The following TASOR2 variants were observed in gnomAD, a reference collection of about 807,000 sequenced individuals.
TASOR2 encodes protein TASOR 2.
A neutral mutation model predicts 199.5 loss-of-function variants in TASOR2; 84 were observed. The ratio of observed to expected loss-of-function variants is 0.42; its 90% CI spans 0.35 to 0.50. The LOEUF is 0.50. Ranked by LOEUF, TASOR2 falls within the 20% of genes least tolerant of loss-of-function variation. The pLI is 0.02. For synonymous variants in TASOR2, 1,103 were observed against 1,046.6 expected (o/e 1.05, Z -1.04); for missense variants, 2,796 against 2,835.9 (o/e 0.99, Z 0.32).
chr10:5,722,475 T>A lies in TASOR2; in HGVS notation c.147-1202T>A, dbSNP rs546190524. ...TATCTCAAAAAAAGAAAAGAAAAAA[T>A]TTCCTGTTTAAAGGAATCACACAGA... On this transcript the variant is annotated intron_variant, in intron 6 of 20. Transcript: ENST00000328090. The surrounding 1 kb of genome is among the most constrained non-coding windows in gnomAD (Gnocchi z 4.0). 1.3e-5 allele frequency among the ~76,000 whole-genome samples: 2 copies of A among 151,220 alleles called. No individual in the cohort carries two copies. The highest frequency in any genetic ancestry group is 1.3e-4 in the Admixed American group (2 of 15,172).
chr10:5,723,418 CA>C (rs765731844), intron 6 of TASOR2, among the ~76,000 whole-genome samples: 10 of 151,794 alleles, frequency 6.6e-5, no homozygotes, highest in African/African-American at 9.7e-5. Context: ...ATTTTTTTGA[CA>C]CATCTAGATA....
intron 10 of TASOR2, among the ~76,000 whole-genome samples, chr10:5,727,832 T>A (rs1379250251): frequency 6.6e-6 from 1 of 152,216 alleles, no homozygotes; most frequent in Non-Finnish European, 1.5e-5. Flanking sequence ...ATTTGTATAA[T>A]TATTTAATGC....
Position 5,714,173 on chromosome 10 carries a change from C to T in TASOR2, c.-192+1255C>T. On this transcript the variant is annotated intron_variant, in intron 2 of 20. It introduces an in-frame stop codon into an upstream open reading frame of the 5' UTR. Transcript: ENST00000328090. Reference sequence around the variant, plus strand: ...GTCAGTGTGGACTCCGTGTTGGCAGCAGTGCTGTTACCACTCTGGGTGATC... The same window carrying T: ...GTCAGTGTGGACTCCGTGTTGGCAGTAGTGCTGTTACCACTCTGGGTGATC... 1 of 1,231,738 alleles carries T rather than the reference C, an allele frequency of 8.1e-7. No individual in the cohort carries two copies. 76.3% of individuals were successfully genotyped at this position (1,231,738 alleles called of 1,614,324 possible). A position where few individuals can be genotyped will look rare whatever the true frequency, so the allele number is the denominator to read the frequency against.
Position 5,685,631 on chromosome 10 carries a change from C to T in TASOR2, c.-288+456C>T, listed in dbSNP as rs191736583. Among the ~76,000 whole-genome samples the T allele has an allele frequency of 6.6e-6, 1 of 152,172 alleles. No homozygotes were observed. The highest frequency in any genetic ancestry group is 2.4e-5 in the African/African-American group (1 of 41,436). Reference sequence around the variant, plus strand: ...TTTCTTTTTAGGGTAAAACAGGTCTCTCCGAAGGGAGGGTCATTTCAGCAG... The same window carrying T: ...TTTCTTTTTAGGGTAAAACAGGTCTTTCCGAAGGGAGGGTCATTTCAGCAG... On this transcript the variant is annotated intron_variant, in intron 1 of 20. Coordinates refer to ENST00000328090, the Ensembl canonical transcript of TASOR2. The surrounding 1 kb of genome is among the most constrained non-coding windows in gnomAD (Gnocchi z 5.4).
intron 10 of TASOR2, among the ~76,000 whole-genome samples, chr10:5,729,429 G>T (rs1257432919): frequency 6.9e-6 from 1 of 144,684 alleles, no homozygotes; most frequent in Non-Finnish European, 1.5e-5. Context: ...TGCCCGGAGT[G>T]GTGGCTCACG....
chr10:5,696,213 G>T (rs1016772414), intron 1 of TASOR2, among the ~76,000 whole-genome samples: 7 of 152,146 alleles, frequency 4.6e-5, no homozygotes, highest in African/African-American at 1.7e-4. Flanking sequence ...TTCTTAGCTG[G>T]GGAAACTTAC....
Position 5,687,771 on chromosome 10 carries a change from T to C in TASOR2, c.-288+2596T>C, listed in dbSNP as rs1341024355. 1.3e-5 allele frequency among the ~76,000 whole-genome samples: 2 copies of C among 152,150 alleles called. No homozygotes were observed. The highest frequency in any genetic ancestry group is 2.9e-5 in the Non-Finnish European group (2 of 68,014). On this transcript the variant is annotated intron_variant, in intron 1 of 20. Transcript: ENST00000328090. The surrounding 1 kb of genome is among the most constrained non-coding windows in gnomAD (Gnocchi z 4.8). The stretch of plus-strand genomic sequence containing the variant: ...GGAGACAGGTTGCAGTGAGCCAAGG[T>C]TGTGTCACTCTACGGCAGCCTGGGT...
At position 5,750,060 on chromosome 10, in the gene TASOR2, T is replaced by G; in HGVS notation, c.6606+33T>G. ...GCCAGCCACGTCTTACGTATTATTT[T>G]AATTGCTGATTTTAGTTTTAGAAAT... On this transcript the variant is annotated intron_variant, in intron 15 of 20. Coordinates refer to ENST00000328090, the Ensembl canonical transcript of TASOR2. This position sits in a 1 kb window ranked among gnomAD's most constrained non-coding sequence, Gnocchi z 5.4. 6.5e-7 allele frequency: 1 copy of G among 1,532,096 alleles called. No homozygotes were observed. The allele number at this position is 1,532,096 out of a possible 1,614,324, so 94.9% of individuals were successfully genotyped here.
intron 12 of TASOR2, among the ~76,000 whole-genome samples, chr10:5,735,995 G>A (rs552349608): frequency 1.3e-5 from 2 of 152,058 alleles, no homozygotes; most frequent in South Asian, 4.1e-4. Context: ...TTAGAGACAG[G>A]GTCTCACTTT....
At position 5,730,807 on chromosome 10, in the gene TASOR2, T is replaced by C; in HGVS notation, c.808T>C (p.Tyr270His). 1.9e-6 allele frequency: 3 copies of C among 1,614,232 alleles called. No individual in the cohort carries two copies. The highest frequency in any genetic ancestry group is 1.6e-4 in the Middle Eastern group (1 of 6,062). ...CTCTTATTTTTCAGACCCTAGTGCTTACATTTTGGAAGTGTCTACTGCTTT... is the reference window on the plus strand; with the variant it reads ...CTCTTATTTTTCAGACCCTAGTGCTCACATTTTGGAAGTGTCTACTGCTTT... The change falls in exon 11 of 21, where the codon TAC becomes CAC. Residue 270 changes from tyrosine to histidine, a missense_variant. This residue lies in a region of TASOR2 where 847 missense variants were observed against 887.4 expected (regional missense o/e 0.95). Coordinates refer to ENST00000328090, the Ensembl canonical transcript of TASOR2. The surrounding 1 kb of genome is among the most constrained non-coding windows in gnomAD (Gnocchi z 4.1).
intron 10 of TASOR2, among the ~76,000 whole-genome samples, chr10:5,729,689 A>G (rs1036657169): frequency 1.3e-5 from 2 of 152,204 alleles, no homozygotes; most frequent in African/African-American, 4.8e-5. Context: ...TTTTCTTTAA[A>G]AAGAATGGTA....
At chr10:5,716,045 C>T (rs1182134096) in intron 2 of TASOR2, among the ~76,000 whole-genome samples, 1 of 152,188 alleles carries the variant, frequency 6.6e-6, no homozygotes, top group Non-Finnish European at 1.5e-5. Context: ...TGCCCCTAGG[C>T]TACAAACCTG....
intron 11 of TASOR2, among the ~76,000 whole-genome samples, chr10:5,733,967 T>C (rs1337402082): frequency 6.6e-6 from 1 of 151,416 alleles, no homozygotes; most frequent in Non-Finnish European, 1.5e-5. Flanking sequence ...TTTAAAACTA[T>C]TCATTTCGCT....
rs1838985721 is a variant in TASOR2, at chr10:5,756,609, T to A, written c.6607-4T>A. On this transcript the variant is annotated splice_region_variant and splice_polypyrimidine_tract_variant and intron_variant, in intron 15 of 20. Coordinates refer to ENST00000328090, the Ensembl canonical transcript of TASOR2. Reference sequence around the variant, plus strand: ...TTAATAATGGCTATTTGTAAATCTTTCAGAACCTTCTGAGGAAAGGAGGCC... The same window carrying A: ...TTAATAATGGCTATTTGTAAATCTTACAGAACCTTCTGAGGAAAGGAGGCC... 6.2e-7 allele frequency: 1 copy of A among 1,612,488 alleles called. No homozygotes were observed. The highest frequency in any genetic ancestry group is 1.1e-5 in the South Asian group (1 of 90,878).
In TASOR2 at chr10:5,714,163, G is replaced by A. The variant is rs1289279577; in HGVS notation, c.-192+1245G>A. ...AAATTGGTATGTCAGTGTGGACTCC[G>A]TGTTGGCAGCAGTGCTGTTACCACT... On this transcript the variant is annotated intron_variant, in intron 2 of 20. The change creates a new upstream start codon in the 5' untranslated region. Transcript: ENST00000328090. The A allele has an allele frequency of 1.5e-5, 19 of 1,231,658 alleles. No individual in the cohort carries two copies. The highest frequency in any genetic ancestry group is 6.3e-5 in the East Asian group (2 of 31,706). 76.3% of individuals were successfully genotyped at this position (1,231,658 alleles called of 1,614,324 possible).
intron 14 of TASOR2, among the ~76,000 whole-genome samples, chr10:5,744,825 C>G (rs1437547547): frequency 6.6e-6 from 1 of 152,154 alleles, no homozygotes; most frequent in African/African-American, 2.4e-5. Flanking sequence ...GACTAGGTTT[C>G]GCCATGTTGG....
At position 5,690,304 on chromosome 10, in the gene TASOR2, T is replaced by G. The variant is rs1007126715; in HGVS notation, c.-288+5129T>G. Reference sequence around the variant, plus strand: ...TGTTTTCTCTTAGTAAGATTTTAATTACATTTAATCGGAGAACTAAATCCC... The same window carrying G: ...TGTTTTCTCTTAGTAAGATTTTAATGACATTTAATCGGAGAACTAAATCCC... On this transcript the variant is annotated intron_variant, in intron 1 of 20. Coordinates refer to ENST00000328090, the Ensembl canonical transcript of TASOR2. This position sits in a 1 kb window ranked among gnomAD's most constrained non-coding sequence, Gnocchi z 4.8. Among the ~76,000 whole-genome samples, 11 of 152,224 alleles carry G rather than the reference T, an allele frequency of 7.2e-5. No homozygotes were observed. The highest frequency in any genetic ancestry group is 1.3e-4 in the Non-Finnish European group (9 of 68,036).
intron 2 of TASOR2, among the ~76,000 whole-genome samples, 165 bp from the exon 4 acceptor site, chr10:5,717,494 A>G (rs957528402): frequency 2.0e-5 from 3 of 152,132 alleles, no homozygotes; most frequent in African/African-American, 7.2e-5. Flanking sequence ...AATAGCCCTG[A>G]AGCCTGTCCT....
intron 12 of TASOR2, among the ~76,000 whole-genome samples, chr10:5,739,307 T>C (rs527340469): frequency 6.8e-6 from 1 of 146,418 alleles, no homozygotes; most frequent in East Asian, 2.0e-4. Flanking sequence ...TCAGTTCATA[T>C]GTTTTTGAAG....
Sources: gnomAD v4.1 joint callset for allele counts (sites outside exome capture counted in the v4.1 genomes callset) on GRCh38, gnomAD v4.1.1 for gene constraint, gnomAD v4.1.1 regional missense constraint, Gnocchi (gnomAD v3.1) non-coding constraint, MANE v1.5 for transcripts, NCBI Gene and HGNC (gene_info 2026-07-23, HGNC 2026-07-21) for gene names.